TCERG1L: variants seen among roughly 807,000 people sequenced by gnomAD.
TCERG1L encodes transcription elongation regulator 1-like protein.
In TCERG1L, 37 loss-of-function variants were observed where a neutral mutation model predicts 56.3. The observed-to-expected ratio is 0.66, with a 90% CI of 0.51 to 0.87. The LOEUF (loss-of-function observed/expected upper bound fraction) is 0.87. TCERG1L is among the 40% of genes least tolerant of loss of function. TCERG1L has a pLI of 0.00. For missense variants in TCERG1L, 799 were observed against 774.2 expected, an observed-to-expected ratio of 1.03 and a Z score of -0.38; for synonymous variants, 324 against 326.3, an observed-to-expected ratio of 0.99 and a Z score of 0.08.
intron 11 of TCERG1L, among the ~76,000 whole-genome samples, chr10:131,093,641 G>T (rs1367048917): frequency 6.6e-6 from 1 of 152,164 alleles, no homozygotes; most frequent in East Asian, 1.9e-4. Context: ...AGCTTTGCTG[G>T]CCAGGTCTCC....
At chr10:131,132,187 G>A (rs945730029) in intron 8 of TCERG1L, among the ~76,000 whole-genome samples, 1 of 152,172 alleles carries the variant, frequency 6.6e-6, no homozygotes, top group Non-Finnish European at 1.5e-5. Context: ...GGACGGGATG[G>A]GCGTGCTCAG....
intron 4 of TCERG1L, among the ~76,000 whole-genome samples, chr10:131,168,793 C>T (rs1225501782): frequency 6.6e-6 from 1 of 151,108 alleles, no homozygotes; most frequent in Non-Finnish European, 1.5e-5. Flanking sequence ...GTCATTGCCA[C>T]TTTACGAGGG....
At chr10:131,131,641 G>A (rs897019192) in intron 8 of TCERG1L, among the ~76,000 whole-genome samples, 3 of 152,112 alleles carry the variant, frequency 2.0e-5, no homozygotes, top group Non-Finnish European at 2.9e-5. Flanking sequence ...TGTCACAATC[G>A]ATTTAATTCC....
chr10:131,212,864 A>T (rs1845632301), intron 4 of TCERG1L, among the ~76,000 whole-genome samples: 1 of 152,356 alleles, frequency 6.6e-6, no homozygotes, highest in East Asian at 1.9e-4. Context: ...CCCATGTGAT[A>T]TGAGGTAGGA....
At chr10:131,162,429 T>C (rs1845987741) in intron 6 of TCERG1L, 1 of 152,270 alleles carries the variant, frequency 6.6e-6, no homozygotes. Context: ...AGCAGGGATG[T>C]GCTCACTCGC....
intron 4 of TCERG1L, among the ~76,000 whole-genome samples, chr10:131,188,567 A>G (rs751522678): frequency 1.2e-4 from 19 of 152,200 alleles, no homozygotes; most frequent in Non-Finnish European, 2.2e-4. Context: ...TACATTCAAT[A>G]ATGGGCACAC....
chr10:131,276,264 C>A (rs1259323335), intron 3 of TCERG1L, among the ~76,000 whole-genome samples: 1 of 152,198 alleles, frequency 6.6e-6, no homozygotes, highest in Non-Finnish European at 1.5e-5. Context: ...AAAAGATTAA[C>A]CCTTTGCCCT....
At chr10:131,265,194 T>C (rs1019538147) in intron 3 of TCERG1L, among the ~76,000 whole-genome samples, 1 of 152,136 alleles carries the variant, frequency 6.6e-6, no homozygotes, top group Non-Finnish European at 1.5e-5. Flanking sequence ...TATATGGAAG[T>C]GAGAAAATGT....
At chr10:131,126,248 T>C (rs561237651) in intron 8 of TCERG1L, among the ~76,000 whole-genome samples, 1 of 152,344 alleles carries the variant, frequency 6.6e-6, no homozygotes, top group East Asian at 1.9e-4. Flanking sequence ...CGTGTGCACT[T>C]GCTGTCCGTG....
At chr10:131,166,504 G>A (rs571697051) in intron 5 of TCERG1L, among the ~76,000 whole-genome samples, 32 of 152,354 alleles carry the variant, frequency 2.1e-4, no homozygotes, top group African/African-American at 7.5e-4. Flanking sequence ...TGACTACCTT[G>A]TGTGTCTTCT....
chr10:131,239,592 G>T (rs966787667), intron 4 of TCERG1L, among the ~76,000 whole-genome samples: 1 of 152,214 alleles, frequency 6.6e-6, no homozygotes, highest in Non-Finnish European at 1.5e-5. Context: ...TCGGCCCTCA[G>T]ACATCCATCG....
rs549550356 is a variant in TCERG1L, at chr10:131,101,568, TGCCACACAC to T, written c.1485+2688_1485+2696del. ...ACCCACACGCCACACACAGCACACATGCCACACACGCCACACACGCCCCAGATGTACTGA... is the reference window on the plus strand; with the variant it reads ...ACCCACACGCCACACACAGCACACATGCCACACACGCCCCAGATGTACTGA... On this transcript the variant is annotated intron_variant, in intron 10 of 11. Transcript: ENST00000368642. Among the ~76,000 whole-genome samples, 52 of 152,186 alleles carry T rather than the reference TGCCACACAC, an allele frequency of 3.4e-4. 1 individual carries two copies. The South Asian group carries it at 4.8e-3, about 14-fold the overall frequency.
intron 9 of TCERG1L, among the ~76,000 whole-genome samples, chr10:131,108,904 C>T: frequency 6.6e-6 from 1 of 152,242 alleles, no homozygotes; most frequent in Admixed American, 6.5e-5. Flanking sequence ...CCTGCAGGTC[C>T]TTGCCCCAGG....
chr10:131,162,256 A>T (rs1032309595), intron 6 of TCERG1L: 1 of 152,264 alleles, frequency 6.6e-6, no homozygotes, highest in African/African-American at 2.4e-5. Flanking sequence ...AGGCACTCCC[A>T]GGGTACAGAG....
intron 3 of TCERG1L, among the ~76,000 whole-genome samples, chr10:131,275,507 T>G (rs1846381835): frequency 6.6e-6 from 1 of 152,188 alleles, no homozygotes; most frequent in Admixed American, 6.5e-5. Context: ...AACTAGAGAT[T>G]AATGACACTA....
chr10:131,272,894 G>C (rs985203773), intron 3 of TCERG1L, among the ~76,000 whole-genome samples: 2 of 152,224 alleles, frequency 1.3e-5, no homozygotes, highest in Non-Finnish European at 2.9e-5. Flanking sequence ...GGGGTGGGGA[G>C]AGTGTTGTTT....
chr10:131,277,357 C>A (rs1331575614), intron 3 of TCERG1L, among the ~76,000 whole-genome samples: 1 of 152,214 alleles, frequency 6.6e-6, no homozygotes, highest in Non-Finnish European at 1.5e-5. Context: ...GCACGCCCAC[C>A]CCAAAGCTCT....
intron 4 of TCERG1L, among the ~76,000 whole-genome samples, chr10:131,195,011 G>T (rs927712557): frequency 6.6e-6 from 1 of 152,168 alleles, no homozygotes; most frequent in African/African-American, 2.4e-5. Context: ...CATTTGCTGA[G>T]GTCACTGGTT....
chr10:131,284,342 A>T (rs1454203031), intron 3 of TCERG1L, among the ~76,000 whole-genome samples: 3 of 152,262 alleles, frequency 2.0e-5, no homozygotes, highest in Admixed American at 6.5e-5. Context: ...AAAATTTAAA[A>T]TTTAAATATG....
Sources: gnomAD v4.1 joint callset for allele counts (sites outside exome capture counted in the v4.1 genomes callset) on GRCh38, gnomAD v4.1.1 for gene constraint, MANE v1.5 for transcripts, NCBI Gene and HGNC (gene_info 2026-07-23, HGNC 2026-07-21) for gene names.